The following GSDME variants were observed in gnomAD, a reference collection of about 807,000 sequenced individuals.
The protein encoded by GSDME is gasdermin-E.
A neutral mutation model predicts 47.5 loss-of-function variants in GSDME; 44 were observed. That is an observed-to-expected ratio of 0.93 (90% CI 0.73 to 1.19). GSDME has a LOEUF of 1.19. Ranked by LOEUF, GSDME falls within the 50% of genes most tolerant of loss-of-function variation. The probability of loss-of-function intolerance (pLI) is 0.00; values close to 1 mark genes in which losing one functional copy is unlikely to be tolerated. For missense variants in GSDME, 663 were observed against 604.2 expected (o/e 1.10, Z -1.02); for synonymous variants, 258 against 252.8 (o/e 1.02, Z -0.20).
upstream of GSDME, among the ~76,000 whole-genome samples, chr7:24,761,871 TA>T (rs756699717): frequency 4.1e-4 from 62 of 152,194 alleles, no homozygotes; most frequent in Non-Finnish European, 7.8e-4. The surrounding 1 kb of genome is among the most constrained non-coding windows in gnomAD (Gnocchi z 4.4). Flanking sequence ...GATTCAAAGA[TA>T]GGGGTGGTAT....
the GSDME span, among the ~76,000 whole-genome samples, chr7:24,791,334 C>T: frequency 2.0e-5 from 3 of 152,344 alleles, no homozygotes; most frequent in African/African-American, 7.2e-5. The surrounding 1 kb of genome is among the most constrained non-coding windows in gnomAD (Gnocchi z 4.8). Flanking sequence ...TAGGGATGAG[C>T]TCTCCACGTT....
chr7:24,722,972 G>A (rs1175208663), intron 3 of GSDME, among the ~76,000 whole-genome samples: 2 of 152,170 alleles, frequency 1.3e-5, no homozygotes, highest in Non-Finnish European at 2.9e-5. Context: ...TAGGATTCGG[G>A]TGACCAGAAA....
the GSDME span, among the ~76,000 whole-genome samples, chr7:24,773,426 C>T: frequency 1.3e-5 from 2 of 152,240 alleles, no homozygotes; most frequent in Admixed American, 1.3e-4. This position sits in a 1 kb window ranked among gnomAD's most constrained non-coding sequence, Gnocchi z 5.4. Context: ...TATTTGTAGC[C>T]TTCCTTTTAG....
At chr7:24,719,654 G>T (rs551142432) in intron 3 of GSDME, among the ~76,000 whole-genome samples, 9 of 152,196 alleles carry the variant, frequency 5.9e-5, no homozygotes, top group African/African-American at 9.6e-5. Context: ...TTAGCCAGGC[G>T]TGGTGGCACA....
chr7:24,702,896 C>A lies in GSDME; in HGVS notation c.1184-63G>T. 2.2e-6 allele frequency: 3 copies of A among 1,394,700 alleles called. No homozygotes were observed. The South Asian group carries it at 3.5e-5, about 16-fold the overall frequency. The allele number at this position is 1,394,700 out of a possible 1,614,324, so 86.4% of individuals were successfully genotyped here. A position where few individuals can be genotyped will look rare whatever the true frequency, so the allele number is the denominator to read the frequency against. ...ACAAGTCCATGGGAACAGAGCCAGC[C>A]CCTGGATGGCACCTAACTTATATTT... On this transcript the variant is annotated intron_variant, in intron 8 of 9. Transcript: ENST00000645220.
At chr7:24,701,934 A>AG (rs1305983002) in intron 9 of GSDME, among the ~76,000 whole-genome samples, 1 of 152,246 alleles carries the variant, frequency 6.6e-6, no homozygotes, top group Non-Finnish European at 1.5e-5. Context: ...ACCAAATGTC[A>AG]GGGTCCTGTC....
chr7:24,755,996 G>A (rs558738250), intron 1 of GSDME, among the ~76,000 whole-genome samples: 10 of 152,306 alleles, frequency 6.6e-5, no homozygotes, highest in African/African-American at 2.2e-4. Context: ...TAGAACAGAG[G>A]TGGCATCTTT....
chr7:24,762,954 G>A, the GSDME span, among the ~76,000 whole-genome samples: 3 of 152,272 alleles, frequency 2.0e-5, no homozygotes, highest in African/African-American at 4.8e-5. Flanking sequence ...ACCTCGGGCA[G>A]ATAGATAAGG....
chr7:24,793,778 CCTTTT>C, the GSDME span, among the ~76,000 whole-genome samples: 20 of 151,856 alleles, frequency 1.3e-4, no homozygotes, highest in Admixed American at 5.9e-4. Context: ...ATTCTACCCC[CCTTTT>C]CTTTTTTTTT....
chr7:24,702,519 A>G (rs984623313), intron 9 of GSDME: 19 of 441,290 alleles, frequency 4.3e-5, no homozygotes, highest in Non-Finnish European at 6.5e-5. Flanking sequence ...GAGTCGAAAG[A>G]CAAGGATGAA....
the GSDME span, among the ~76,000 whole-genome samples, chr7:24,767,147 A>AC: frequency 6.6e-6 from 1 of 152,136 alleles, no homozygotes; most frequent in African/African-American, 2.4e-5. The surrounding 1 kb of genome is among the most constrained non-coding windows in gnomAD (Gnocchi z 5.3). Flanking sequence ...AACGTTGTGA[A>AC]ACCCCGTCTC....
intron 1 of GSDME, among the ~76,000 whole-genome samples, chr7:24,755,926 A>C (rs1157170071): frequency 6.6e-6 from 1 of 152,228 alleles, no homozygotes; most frequent in Non-Finnish European, 1.5e-5. Context: ...TAGCAATTTC[A>C]GCATACTTTG....
At chr7:24,752,750 A>G (rs1338584240) in intron 1 of GSDME, among the ~76,000 whole-genome samples, 1 of 152,198 alleles carries the variant, frequency 6.6e-6, no homozygotes, top group Non-Finnish European at 1.5e-5. Context: ...TTAGTTTACC[A>G]CTGCTGTCAG....
At chr7:24,789,532 G>A in the GSDME span, among the ~76,000 whole-genome samples, 2 of 152,188 alleles carry the variant, frequency 1.3e-5, no homozygotes, top group Non-Finnish European at 2.9e-5. Flanking sequence ...GAACAGAACA[G>A]GACAGGGATT....
In GSDME at chr7:24,728,901, T is replaced by C. The variant is rs991814804; in HGVS notation, c.405-9683A>G. 2.6e-5 allele frequency among the ~76,000 whole-genome samples: 4 copies of C among 152,210 alleles called. No individual in the cohort carries two copies. Among genetic ancestry groups the C allele is most frequent in the African/African-American group, 7.2e-5 (3 of 41,464 alleles). ...CTCTCTCTGTCACTTGGCTGTAATG[T>C]AGATGACTTCAGGATTGTAAAATGC... On this transcript the variant is annotated intron_variant, in intron 3 of 9. Transcript: ENST00000645220. The surrounding 1 kb of genome is among the most constrained non-coding windows in gnomAD (Gnocchi z 7.2).
Position 24,744,843 on chromosome 7 carries a change from G to T in GSDME, c.212-89C>A. On this transcript the variant is annotated intron_variant, in intron 2 of 9. Coordinates refer to ENST00000645220, the MANE Select transcript of GSDME (RefSeq NM_001127453.2). This position sits in a 1 kb window ranked among gnomAD's most constrained non-coding sequence, Gnocchi z 4.5. ...ATTTAGCTTTCCAAGCCTGTGCAGA[G>T]CCCCGGAAAGCAGAAGGCTGGCACT... 1 of 1,413,758 alleles carries T rather than the reference G, an allele frequency of 7.1e-7. No individual in the cohort carries two copies. The highest frequency in any genetic ancestry group is 9.8e-7 in the Non-Finnish European group (1 of 1,019,262). 87.6% of individuals were successfully genotyped at this position (1,413,758 alleles called of 1,614,324 possible). A position where few individuals can be genotyped will look rare whatever the true frequency, so the allele number is the denominator to read the frequency against.
At chr7:24,792,051 G>GGACTA in the GSDME span, among the ~76,000 whole-genome samples, 1 of 152,196 alleles carries the variant, frequency 6.6e-6, no homozygotes, top group African/African-American at 2.4e-5. Flanking sequence ...GTCGACTGGA[G>GGACTA]GACTACCTTA....
At chr7:24,699,819 A>G (rs1276865329) in intron 9 of GSDME, among the ~76,000 whole-genome samples, 1 of 152,206 alleles carries the variant, frequency 6.6e-6, no homozygotes, top group African/African-American at 2.4e-5. Flanking sequence ...AGTACATTAG[A>G]AAGGTTAGAA....
chr7:24,793,193 T>G, the GSDME span, among the ~76,000 whole-genome samples: 1 of 152,230 alleles, frequency 6.6e-6, no homozygotes, highest in Non-Finnish European at 1.5e-5. Context: ...TAGACATATT[T>G]ATTCAATTTT....
Sources: gnomAD v4.1 joint callset for allele counts (sites outside exome capture counted in the v4.1 genomes callset) on GRCh38, gnomAD v4.1.1 for gene constraint, Gnocchi (gnomAD v3.1) non-coding constraint, MANE v1.5 for transcripts, NCBI Gene and HGNC (gene_info 2026-07-23, HGNC 2026-07-21) for gene names.